The following LUZP2 variants were observed in gnomAD, a reference collection of about 807,000 sequenced individuals.
The protein encoded by LUZP2 is leucine zipper protein 2.
Under a neutral mutation model 51.6 loss-of-function variants are expected in LUZP2, and 52 were observed. That is an observed-to-expected ratio of 1.01 (90% CI 0.81 to 1.27). LUZP2 has a LOEUF of 1.27. Among genes scored for constraint, LUZP2 ranks in the 50% most tolerant of loss-of-function variants. LUZP2 has a pLI of 0.00. For missense variants in LUZP2, 436 were observed against 395.4 expected, an observed-to-expected ratio of 1.10 and a Z score of -0.87; for synonymous variants, 154 against 137.3, an observed-to-expected ratio of 1.12 and a Z score of -0.85.
chr11:25,023,873 G>T (rs1857410945), intron 9 of LUZP2, among the ~76,000 whole-genome samples: 2 of 152,066 alleles, frequency 1.3e-5, no homozygotes, highest in Non-Finnish European at 2.9e-5. Flanking sequence ...CTTTATTTCT[G>T]TCTTCATTTC....
At chr11:24,961,909 T>G (rs1471881045) in intron 7 of LUZP2, among the ~76,000 whole-genome samples, 3 of 152,054 alleles carry the variant, frequency 2.0e-5, no homozygotes, top group Non-Finnish European at 4.4e-5. Context: ...CCATGTTTAG[T>G]GCTTCCTTCA....
intron 9 of LUZP2, among the ~76,000 whole-genome samples, chr11:24,992,531 AC>A (rs1432591806): frequency 6.6e-6 from 1 of 152,144 alleles, no homozygotes; most frequent in Non-Finnish European, 1.5e-5. Context: ...TCTTTTGCTC[AC>A]TAACATATAC....
At chr11:25,014,511 C>A (rs1392333410) in intron 9 of LUZP2, among the ~76,000 whole-genome samples, 1 of 152,174 alleles carries the variant, frequency 6.6e-6, no homozygotes, top group East Asian at 1.9e-4. Flanking sequence ...TGATGATGAG[C>A]ATTTTTTCAT....
intron 5 of LUZP2, among the ~76,000 whole-genome samples, chr11:24,856,567 C>A (rs1292069746): frequency 6.6e-6 from 1 of 152,014 alleles, no homozygotes; most frequent in Non-Finnish European, 1.5e-5. Flanking sequence ...TCCAGGTACA[C>A]AACTGTTGGA....
At chr11:24,774,980 C>T (rs1301701770) in intron 5 of LUZP2, among the ~76,000 whole-genome samples, 4 of 150,982 alleles carry the variant, frequency 2.6e-5, no homozygotes. Flanking sequence ...TACCTACCTA[C>T]TCTAGGAATA....
At chr11:24,787,124 C>T (rs1030241895) in intron 5 of LUZP2, among the ~76,000 whole-genome samples, 1 of 152,106 alleles carries the variant, frequency 6.6e-6, no homozygotes, top group Non-Finnish European at 1.5e-5. Context: ...TCAACAGCTA[C>T]GTTTGGGTAC....
chr11:24,628,191 G>T (rs908621845), intron 1 of LUZP2, among the ~76,000 whole-genome samples: 2 of 138,074 alleles, frequency 1.4e-5, no homozygotes, highest in Non-Finnish European at 3.1e-5. Context: ...GCATACACAC[G>T]CACACACACA....
chr11:24,526,696 A>T (rs946263582), intron 1 of LUZP2, among the ~76,000 whole-genome samples: 1 of 151,254 alleles, frequency 6.6e-6, no homozygotes, highest in Non-Finnish European at 1.5e-5. Flanking sequence ...GATTAACCTG[A>T]GTTTTATTTC....
At chr11:24,880,047 G>T (rs984566685) in intron 5 of LUZP2, among the ~76,000 whole-genome samples, 2 of 152,164 alleles carry the variant, frequency 1.3e-5, no homozygotes, top group African/African-American at 4.8e-5. Flanking sequence ...TGTAGTCCTT[G>T]TGCCCTAGAC....
At chr11:24,782,659 A>T (rs745347794) in intron 5 of LUZP2, among the ~76,000 whole-genome samples, 12 of 151,728 alleles carry the variant, frequency 7.9e-5, no homozygotes, top group Non-Finnish European at 1.6e-4. Flanking sequence ...TTCTATCACC[A>T]CCATCACTAC....
chr11:24,774,193 C>T (rs535291801), intron 5 of LUZP2, among the ~76,000 whole-genome samples: 2 of 151,728 alleles, frequency 1.3e-5, no homozygotes, highest in South Asian at 4.2e-4. Context: ...TTCTCCTGTG[C>T]TGGATGCTTC....
intron 5 of LUZP2, among the ~76,000 whole-genome samples, chr11:24,769,239 G>A (rs1860308739): frequency 6.6e-6 from 1 of 152,162 alleles, no homozygotes; most frequent in Non-Finnish European, 1.5e-5. Flanking sequence ...AGAAAGCAGG[G>A]AGTAGAAGGA....
Position 25,079,511 on chromosome 11 carries a change from A to G in LUZP2, c.*853A>G, listed in dbSNP as rs1319068622. 6.6e-6 allele frequency: 1 copy of G among 152,184 alleles called. No individual in the cohort carries two copies. Among genetic ancestry groups the G allele is most frequent in the Admixed American group, 6.5e-5 (1 of 15,282 alleles). The allele number at this position is 152,184 out of a possible 1,614,324, so 9.4% of individuals were successfully genotyped here. A position where few individuals can be genotyped will look rare whatever the true frequency, so the allele number is the denominator to read the frequency against. The stretch of plus-strand genomic sequence containing the variant: ...CACAAAACAGGGGTCTGATGAAAGT[A>G]CAATAGCCATGTTGATTCAATAAAC... On this transcript the variant is annotated 3_prime_UTR_variant, in exon 12 of 12. Transcript: ENST00000336930.
At chr11:24,814,715 G>A (rs1283211126) in intron 5 of LUZP2, among the ~76,000 whole-genome samples, 1 of 152,060 alleles carries the variant, frequency 6.6e-6, no homozygotes, top group Non-Finnish European at 1.5e-5. Flanking sequence ...AGTATGTGCC[G>A]GGAGCGGTAG....
intron 5 of LUZP2, among the ~76,000 whole-genome samples, chr11:24,842,134 A>G (rs972228492): frequency 1.4e-4 from 21 of 150,920 alleles, no homozygotes; most frequent in Admixed American, 3.3e-4. Context: ...CAATATATTA[A>G]TATTAGACAA....
At chr11:24,616,474 CAT>C (rs1491165394) in intron 1 of LUZP2, among the ~76,000 whole-genome samples, 7,298 of 52,832 alleles carry the variant, frequency 0.14, 270 homozygotes, top group African/African-American at 0.28. Flanking sequence ...TTGGCGTGCG[CAT>C]GTGTGTGTGT....
chr11:25,015,665 G>A (rs1857128079), intron 9 of LUZP2, among the ~76,000 whole-genome samples: 2 of 152,026 alleles, frequency 1.3e-5, no homozygotes, highest in African/African-American at 2.4e-5. Context: ...CAGAGGTGTG[G>A]TACATTTGCC....
At chr11:24,659,226 GA>G (rs1855926414) in intron 1 of LUZP2, among the ~76,000 whole-genome samples, 1 of 152,164 alleles carries the variant, frequency 6.6e-6, no homozygotes, top group Non-Finnish European at 1.5e-5. Context: ...ATACACCATG[GA>G]ATACTATGCA....
In LUZP2 at chr11:24,915,183, G is replaced by A. The variant is rs1226684526; in HGVS notation, c.522+645G>A. Among the ~76,000 whole-genome samples the A allele has an allele frequency of 2.6e-5, 4 of 152,048 alleles. No homozygotes were observed. In the East Asian group the frequency reaches 7.7e-4, roughly 29 times the overall value. ...AATGTATACAATACCCACAAAAACTGTTCTACTGTAGGACTTTCATTAACT... is the reference window on the plus strand; with the variant it reads ...AATGTATACAATACCCACAAAAACTATTCTACTGTAGGACTTTCATTAACT... On this transcript the variant is annotated intron_variant, in intron 7 of 11. Coordinates refer to ENST00000336930, the MANE Select transcript of LUZP2 (RefSeq NM_001009909.4).
Sources: allele counts gnomAD v4.1 joint callset (sites outside exome capture counted in the v4.1 genomes callset), GRCh38; gene constraint gnomAD v4.1.1; transcripts MANE v1.5; gene names NCBI Gene and HGNC (gene_info 2026-07-23, HGNC 2026-07-21).